Variants in NRF1 observed in about 807,000 individuals in gnomAD.
NRF1 encodes alpha palindromic-binding protein.
In NRF1, 5 loss-of-function variants were observed where a neutral mutation model predicts 58.5. That is an observed-to-expected ratio of 0.09 (90% confidence interval 0.04 to 0.18). The LOEUF (loss-of-function observed/expected upper bound fraction) is 0.18. Ranked by LOEUF, NRF1 falls within the 10% of genes least tolerant of loss-of-function variation. The pLI is 1.00. For synonymous variants in NRF1, 224 were observed against 246.7 expected, an observed-to-expected ratio of 0.91 and a Z score of 0.86; for missense variants, 288 against 657.7, an observed-to-expected ratio of 0.44 and a Z score of 6.15.
At chr7:129,751,792 G>A (rs1804122477) in intron 10 of NRF1, among the ~76,000 whole-genome samples, 1 of 152,256 alleles carries the variant, frequency 6.6e-6, no homozygotes, top group Non-Finnish European at 1.5e-5. Context: ...GTTCCCTGGA[G>A]GAACACACAG....
chr7:129,648,012 T>C (rs1231902454), intron 1 of NRF1, among the ~76,000 whole-genome samples: 3 of 152,214 alleles, frequency 2.0e-5, no homozygotes, highest in Non-Finnish European at 4.4e-5. Flanking sequence ...ATCATAGCTA[T>C]TTGTTTTTAA....
chr7:129,745,935 A>G (rs1425182469), intron 10 of NRF1, among the ~76,000 whole-genome samples: 1 of 152,202 alleles, frequency 6.6e-6, no homozygotes, highest in Admixed American at 6.5e-5. Flanking sequence ...AAGCAGGCAA[A>G]AGATAGAGTG....
At chr7:129,747,464 C>T (rs868075894) in intron 10 of NRF1, among the ~76,000 whole-genome samples, 7 of 152,142 alleles carry the variant, frequency 4.6e-5, no homozygotes, top group African/African-American at 7.2e-5. Context: ...TTCTGTTTCC[C>T]GAGAGCTTTA....
chr7:129,720,312 A>T (rs146405244), intron 9 of NRF1, among the ~76,000 whole-genome samples: 1 of 152,274 alleles, frequency 6.6e-6, no homozygotes, highest in East Asian at 1.9e-4. Flanking sequence ...CCCATGGTCT[A>T]ATGTCTTAGT....
chr7:129,611,907 C>G (rs1296410237), intron 1 of NRF1, 83 bp downstream of exon 1: 1 of 148,712 alleles, frequency 6.7e-6, no homozygotes, highest in East Asian at 1.9e-4. Context: ...CCGGCCGGCC[C>G]GCCCCGCAGC....
chr7:129,622,452 CTT>C (rs1290723371), intron 1 of NRF1, among the ~76,000 whole-genome samples: 3 of 151,862 alleles, frequency 2.0e-5, no homozygotes, highest in African/African-American at 7.3e-5. Context: ...ATATTTTTCT[CTT>C]AATGGAAAAA....
intron 5 of NRF1, among the ~76,000 whole-genome samples, chr7:129,706,377 A>G (rs773295167): frequency 1.3e-5 from 2 of 152,172 alleles, no homozygotes; most frequent in African/African-American, 2.4e-5. Context: ...AGCCAACTAG[A>G]AGGATACACT....
At chr7:129,701,863 T>G (rs1216078585) in intron 5 of NRF1, among the ~76,000 whole-genome samples, 2 of 152,242 alleles carry the variant, frequency 1.3e-5, no homozygotes, top group African/African-American at 4.8e-5. Flanking sequence ...GGAAATTCTA[T>G]ACCATGGATA....
At chr7:129,655,298 A>G (rs745772218) in intron 1 of NRF1, among the ~76,000 whole-genome samples, 2 of 151,858 alleles carry the variant, frequency 1.3e-5, no homozygotes, top group African/African-American at 4.8e-5. Context: ...TGTCCCTGCA[A>G]CCTTGCTGTA....
chr7:129,740,043 G>A (rs1803810816), intron 10 of NRF1, among the ~76,000 whole-genome samples: 1 of 152,162 alleles, frequency 6.6e-6, no homozygotes, highest in South Asian at 2.1e-4. Flanking sequence ...TGTTGAGGAG[G>A]GGAAGGGACA....
At chr7:129,746,411 C>A (rs1803976125) in intron 10 of NRF1, among the ~76,000 whole-genome samples, 1 of 152,158 alleles carries the variant, frequency 6.6e-6, no homozygotes, top group African/African-American at 2.4e-5. Flanking sequence ...CTGCTGTCTG[C>A]CTGCTAGACT....
chr7:129,653,573 C>G (rs1220406467), intron 1 of NRF1, among the ~76,000 whole-genome samples: 1 of 152,188 alleles, frequency 6.6e-6, no homozygotes, highest in Non-Finnish European at 1.5e-5. Context: ...ATGTATAACC[C>G]ATATCCACCA....
At chr7:129,706,643 C>T (rs1396181477) in intron 5 of NRF1, among the ~76,000 whole-genome samples, 1 of 152,070 alleles carries the variant, frequency 6.6e-6, no homozygotes, top group Non-Finnish European at 1.5e-5. Context: ...AGTGAAGAGG[C>T]TGATGCTGAG....
At chr7:129,662,402 G>T (rs1376314987) in intron 2 of NRF1, among the ~76,000 whole-genome samples, 2 of 150,860 alleles carry the variant, frequency 1.3e-5, no homozygotes, top group Non-Finnish European at 3.0e-5. Flanking sequence ...GTGTGTGTGT[G>T]TGTGTGTGTG....
chr7:129,624,673 G>A (rs73159610), intron 1 of NRF1, among the ~76,000 whole-genome samples: 86 of 151,962 alleles, frequency 5.7e-4, no homozygotes, highest in African/African-American at 1.8e-3. Flanking sequence ...TTCTCCCTGA[G>A]CCTTTTTATT....
chr7:129,721,225 G>A (rs554684192), intron 9 of NRF1, among the ~76,000 whole-genome samples: 1 of 151,972 alleles, frequency 6.6e-6, no homozygotes, highest in Non-Finnish European at 1.5e-5. Context: ...TATAGTCCTT[G>A]CATGTAGAGA....
chr7:129,717,160 C>A, intron 8 of NRF1, 59 bp from the exon 9 acceptor site: 1 of 1,511,548 alleles, frequency 6.6e-7, no homozygotes, highest in Non-Finnish European at 8.9e-7. Flanking sequence ...AGAAAAATTA[C>A]TTGTAAAATT....
At chr7:129,718,728 C>T (rs1297287856) in intron 9 of NRF1, among the ~76,000 whole-genome samples, 2 of 152,102 alleles carry the variant, frequency 1.3e-5, no homozygotes, top group Non-Finnish European at 2.9e-5. Flanking sequence ...TACTAGAGAG[C>T]TGTGATGGAT....
intron 10 of NRF1, among the ~76,000 whole-genome samples, chr7:129,730,147 A>T (rs1432699732): frequency 6.6e-6 from 1 of 152,088 alleles, no homozygotes. Flanking sequence ...TTCTGGGCAG[A>T]CAAGCTTATG....
Sources: allele counts gnomAD v4.1 joint callset (sites outside exome capture counted in the v4.1 genomes callset), GRCh38; gene constraint gnomAD v4.1.1; transcripts MANE v1.5; gene names NCBI Gene and HGNC (gene_info 2026-07-23, HGNC 2026-07-21).